The following COL6A2 variants were observed in gnomAD, a reference collection of about 807,000 sequenced individuals.
The protein encoded by COL6A2 is collagen type VI alpha 2 chain.
COL6A2 carries 90 observed loss-of-function variants against 124.9 expected under a neutral mutation model. The observed-to-expected ratio is 0.72, with a 90% confidence interval of 0.61 to 0.86. COL6A2 has a LOEUF of 0.86. Ranked by LOEUF, COL6A2 falls within the 40% of genes least tolerant of loss-of-function variation. COL6A2 has a pLI of 0.00. For missense variants in COL6A2, 1,607 were observed against 1,502.5 expected, an observed-to-expected ratio of 1.07 and a Z score of -1.15; for synonymous variants, 793 against 618.2, an observed-to-expected ratio of 1.28 and a Z score of -4.19.
intron 21 of COL6A2, 100 bp from the exon 22 acceptor site, chr21:46,124,551 C>CCCA: frequency 9.1e-7 from 1 of 1,104,782 alleles, no homozygotes; most frequent in South Asian, 1.3e-5. Context: ...CCCCCCCCGC[C>CCCA]AAGGGAGGAC....
chr21:46,110,041 C>T (rs911267511), intron 1 of COL6A2, among the ~76,000 whole-genome samples: 1 of 152,220 alleles, frequency 6.6e-6, no homozygotes, highest in Non-Finnish European at 1.5e-5. Context: ...CTGCTGGCTC[C>T]GTGGAGCATG....
Position 46,129,112 on chromosome 21 carries a change from C to G in COL6A2, c.2461+2571C>G, listed in dbSNP as rs2078720101. The G allele has an allele frequency of 2.5e-6, 4 of 1,606,054 alleles. No individual in the cohort carries two copies. The East Asian group carries it at 6.7e-5, about 27-fold the overall frequency. On this transcript the variant is annotated intron_variant, in intron 27 of 27. Transcript: ENST00000300527. ...GCCCAAATGCCGCTCTTCACTCTGG[C>G]CTCGCTGAGCGGCTGCCCGAGGAGG... is the stretch of plus-strand genomic sequence containing the variant.
At position 46,132,106 on chromosome 21, in the gene COL6A2, CCT is replaced by C; in HGVS notation, c.2618_2619del (p.Leu873GlnfsTer119). The C allele has an allele frequency of 2.5e-6, 4 of 1,591,174 alleles. No homozygotes were observed. The highest frequency in any genetic ancestry group is 3.4e-6 in the Non-Finnish European group (4 of 1,171,584). ...GACGCTGGCCCGGAGGGACGACGAC[CCT>C]CTCAACGCACGCGTGGCGCTGCTGC... ...RLTLARRDDDPLNARVALLQF... is the reference protein window; with the variant it reads ...RLTLARRDDDXLNARVALLQF... On this transcript the variant is annotated frameshift_variant, in exon 28 of 28. Transcript: ENST00000300527. LOFTEE classifies it high-confidence loss of function.
intron 10 of COL6A2, 91 bp from the exon 11 acceptor site, chr21:46,117,309 G>T: frequency 7.6e-7 from 1 of 1,316,626 alleles, no homozygotes; most frequent in Non-Finnish European, 1.1e-6. Context: ...CAGCCCTGCG[G>T]GGCAGAACCG....
chr21:46,121,215 C>T, intron 17 of COL6A2, 92 bp downstream of exon 17: 1 of 1,266,168 alleles, frequency 7.9e-7, no homozygotes, highest in South Asian at 1.2e-5. Flanking sequence ...GCCACTGTCC[C>T]CATAGCAAAC....
chr21:46,130,594 G>A (rs1281495208), intron 27 of COL6A2, among the ~76,000 whole-genome samples: 3 of 151,974 alleles, frequency 2.0e-5, no homozygotes, highest in Admixed American at 6.5e-5. Context: ...CAGCCTCCCT[G>A]TGCCTGGCCG....
In COL6A2 at chr21:46,128,264, G is replaced by A. The variant is rs948534154; in HGVS notation, c.2461+1723G>A. 3.3e-5 allele frequency among the ~76,000 whole-genome samples: 5 copies of A among 152,198 alleles called. 1 individual carries two copies. In the South Asian group the frequency reaches 8.3e-4, roughly 25 times the overall value. On this transcript the variant is annotated intron_variant, in intron 27 of 27. Transcript: ENST00000300527. ...CTCCAGGACCTGACAGTGAGTGGGA[G>A]CAGCCCTGGCAGAACCCCTCCCCTC...
chr21:46,131,861 GGGTGCGAATGGAAGGGCACA>G, intron 27 of COL6A2, 73 bp from the exon 28 acceptor site: 2 of 1,193,026 alleles, frequency 1.7e-6, no homozygotes, highest in Non-Finnish European at 2.4e-6. Flanking sequence ...GTTGCAGGCA[GGGTGCGAATGGAAGGGCACA>G]GGTGCGGGGC....
intron 21 of COL6A2, among the ~76,000 whole-genome samples, chr21:46,123,877 G>T (rs62213983): frequency 7.7e-6 from 1 of 129,800 alleles, no homozygotes; most frequent in East Asian, 2.2e-4. Flanking sequence ...GCAGATGGAT[G>T]GATGGGTGAG....
chr21:46,103,996 G>T (rs1184274764), intron 1 of COL6A2, among the ~76,000 whole-genome samples: 1 of 152,134 alleles, frequency 6.6e-6, no homozygotes, highest in Non-Finnish European at 1.5e-5. Context: ...CATGCTCAGG[G>T]GAAGTCACGG....
chr21:46,122,087 C>T lies in COL6A2; in HGVS notation c.1522-21C>T, dbSNP rs749852377. ...CACCCCGTCCTATGACCATGCTGAC[C>T]GACTCAACGTCCTCCTCCAGGGAGA... On this transcript the variant is annotated intron_variant, in intron 18 of 27. Transcript: ENST00000300527. The T allele has an allele frequency of 2.2e-5, 35 of 1,612,240 alleles. No individual in the cohort carries two copies. In the Admixed American group the frequency reaches 4.0e-4, roughly 18 times the overall value.
chr21:46,098,368 C>T (rs1244987060), intron 1 of COL6A2, among the ~76,000 whole-genome samples, 195 bp downstream of exon 1: 1 of 151,896 alleles, frequency 6.6e-6, no homozygotes, highest in African/African-American at 2.4e-5. Flanking sequence ...GCCCCTGTGG[C>T]TCCGCGTCTC....
chr21:46,125,323 C>T lies in COL6A2; in HGVS notation c.1816+12C>T, dbSNP rs777643801. On this transcript the variant is annotated intron_variant, in intron 24 of 27. Coordinates refer to ENST00000300527, the MANE Select transcript of COL6A2 (RefSeq NM_001849.4). ...CTGCGGGTGCTGCGGTGAGGCACTG[C>T]CCACGGCAGGGTCGGGGCCCATGCA... is the stretch of plus-strand genomic sequence containing the variant. 5.6e-6 allele frequency: 9 copies of T among 1,608,814 alleles called. No individual in the cohort carries two copies. The highest frequency in any genetic ancestry group is 1.3e-5 in the African/African-American group (1 of 74,954).
intron 27 of COL6A2, among the ~76,000 whole-genome samples, chr21:46,128,058 T>C (rs964886775): frequency 6.6e-6 from 1 of 152,214 alleles, no homozygotes; most frequent in Non-Finnish European, 1.5e-5. Context: ...GTGATCTCTC[T>C]GGTTCTGGCC....
At position 46,099,925 on chromosome 21, in the gene COL6A2, A is replaced by T. The variant is rs573672112; in HGVS notation, c.-28+1752A>T. Among the ~76,000 whole-genome samples the T allele has an allele frequency of 3.2e-5, 3 of 93,088 alleles. No homozygotes were observed. The South Asian group carries it at 9.8e-4, about 30-fold the overall frequency. 61.1% of individuals were successfully genotyped at this position (93,088 alleles called of 152,430 possible). On this transcript the variant is annotated intron_variant, in intron 1 of 27. Transcript: ENST00000300527. ...TTTTTTTTTTTTTCTCATTTCATAGATAAGGAATGATGCCTTGTTGGGGGG... is the reference window on the plus strand; with the variant it reads ...TTTTTTTTTTTTTCTCATTTCATAGTTAAGGAATGATGCCTTGTTGGGGGG...
chr21:46,108,403 C>A (rs1433464314), intron 1 of COL6A2, among the ~76,000 whole-genome samples: 1 of 152,158 alleles, frequency 6.6e-6, no homozygotes, highest in Non-Finnish European at 1.5e-5. Flanking sequence ...TGTATATGAG[C>A]ATCTATGCAT....
Position 46,116,726 on chromosome 21 carries a change from G to A in COL6A2, c.955-44G>A, listed in dbSNP as rs1253972003. ...CCCCTCCTTCCTGCTGCTCAGGGCA[G>A]AAGGACCGGGGCTAATGGAGTTCCC... On this transcript the variant is annotated intron_variant, in intron 9 of 27. Coordinates refer to ENST00000300527, the MANE Select transcript of COL6A2 (RefSeq NM_001849.4). This position sits in a 1 kb window ranked among gnomAD's most constrained non-coding sequence, Gnocchi z 4.6. 1 of 1,613,096 alleles carries A rather than the reference G, an allele frequency of 6.2e-7. No individual in the cohort carries two copies.
At chr21:46,129,602 A>AGCGGGGCTACAGTCCTTCCAGGGGCT in intron 27 of COL6A2, 1 of 1,436,054 alleles carries the variant, frequency 7.0e-7, no homozygotes, top group Non-Finnish European at 9.1e-7. Context: ...AATCGGGGTC[A>AGCGGGGCTACAGTCCTTCCAGGGGCT]GCGGGGCTAC....
Position 46,125,267 on chromosome 21 carries a change from AGT to A in COL6A2, c.1776_1777del (p.Cys592Ter). Reference sequence around the variant, plus strand: ...CCCTGCCTGCCGTGTGCATTGCAGGAGTGTGACGTCATGACCTACGTGAGGGA... The same window carrying A: ...CCCTGCCTGCCGTGTGCATTGCAGGAGTGACGTCATGACCTACGTGAGGGA... On this transcript the variant is annotated frameshift_variant and splice_region_variant, in exon 24 of 28. Transcript: ENST00000300527. LOFTEE classifies it high-confidence loss of function. 6.2e-7 allele frequency: 1 copy of A among 1,612,062 alleles called. No homozygotes were observed. Among genetic ancestry groups the A allele is most frequent in the South Asian group, 1.1e-5 (1 of 90,908 alleles).
Sources: gnomAD v4.1 joint callset for allele counts (sites outside exome capture counted in the v4.1 genomes callset) on GRCh38, gnomAD v4.1.1 for gene constraint, Gnocchi (gnomAD v3.1) non-coding constraint, MANE v1.5 for transcripts, NCBI Gene and HGNC (gene_info 2026-07-23, HGNC 2026-07-21) for gene names.